CCSER1: variants seen among roughly 807,000 people sequenced by gnomAD.
The protein encoded by CCSER1 is coiled-coil serine rich protein 1, also known as serine-rich coiled-coil domain-containing protein 1.
In CCSER1, 41 loss-of-function variants were observed where a neutral mutation model predicts 82.0. The observed-to-expected ratio is 0.50, with a 90% CI of 0.39 to 0.65. The LOEUF (loss-of-function observed/expected upper bound fraction) is 0.65. Among genes scored for constraint, CCSER1 ranks in the 30% least tolerant of loss-of-function variants. CCSER1 has a pLI of 0.00. For missense variants in CCSER1, 1,119 were observed against 1,064.2 expected, an observed-to-expected ratio of 1.05 and a Z score of -0.72; for synonymous variants, 414 against 383.9, an observed-to-expected ratio of 1.08 and a Z score of -0.92.
chr4:90,286,314 C>G (rs981563433), intron 1 of CCSER1, among the ~76,000 whole-genome samples: 1 of 151,770 alleles, frequency 6.6e-6, no homozygotes, highest in African/African-American at 2.4e-5. Flanking sequence ...CTTTCACTAC[C>G]TGTTATTGTA....
chr4:90,919,409 G>C (rs1254629951), intron 8 of CCSER1, among the ~76,000 whole-genome samples: 1 of 151,768 alleles, frequency 6.6e-6, no homozygotes, highest in African/African-American at 2.4e-5. Context: ...GTATCAGTTT[G>C]CTGTTTTTTA....
At chr4:91,326,826 G>T (rs1746598244) in intron 10 of CCSER1, among the ~76,000 whole-genome samples, 1 of 152,102 alleles carries the variant, frequency 6.6e-6, no homozygotes, top group South Asian at 2.1e-4. Flanking sequence ...AAAACCAAGG[G>T]TCTGCAGGCC....
intron 10 of CCSER1, among the ~76,000 whole-genome samples, chr4:91,596,307 C>T (rs1764575087): frequency 6.6e-6 from 1 of 151,972 alleles, no homozygotes; most frequent in South Asian, 2.1e-4. Context: ...ATGAAGTCTA[C>T]TCCTACCATT....
At chr4:91,056,327 A>T (rs563347740) in intron 9 of CCSER1, among the ~76,000 whole-genome samples, 1 of 152,286 alleles carries the variant, frequency 6.6e-6, no homozygotes, top group South Asian at 2.1e-4. Context: ...AAGATAATTT[A>T]TCATAGTTCT....
intron 10 of CCSER1, among the ~76,000 whole-genome samples, chr4:91,309,678 C>T (rs1010556607): frequency 4.6e-5 from 7 of 151,916 alleles, no homozygotes; most frequent in Non-Finnish European, 8.8e-5. Context: ...CCAAGGCACT[C>T]GTAGATAGCA....
chr4:90,166,468 G>T (rs1203475825), intron 1 of CCSER1, among the ~76,000 whole-genome samples: 1 of 151,728 alleles, frequency 6.6e-6, no homozygotes, highest in East Asian at 1.9e-4. Flanking sequence ...ATTTTTTTTG[G>T]AAATAGCACC....
At chr4:91,480,776 C>T (rs1162822319) in intron 10 of CCSER1, among the ~76,000 whole-genome samples, 1 of 152,142 alleles carries the variant, frequency 6.6e-6, no homozygotes, top group Non-Finnish European at 1.5e-5. Flanking sequence ...AATCCCATCT[C>T]CTAATTTTAA....
chr4:90,950,537 CAT>C (rs371310009), intron 9 of CCSER1, among the ~76,000 whole-genome samples: 1,403 of 125,544 alleles, frequency 0.011, 26 homozygotes, highest in African/African-American at 0.033. Flanking sequence ...CACACACACA[CAT>C]ACACACACGT....
Position 90,512,525 on chromosome 4 carries a change from A to G in CCSER1, c.1724+44171A>G, listed in dbSNP as rs138254030. ...ACATGCCTATAACAAGACTCCTTCC[A>G]TTCTCTTCTACTTTCTTATTCTTAT... On this transcript the variant is annotated intron_variant, in intron 5 of 10. Coordinates refer to ENST00000509176, the MANE Select transcript of CCSER1 (RefSeq NM_001145065.2). Among the ~76,000 whole-genome samples the G allele has an allele frequency of 3.9e-5, 6 of 152,278 alleles. No individual in the cohort carries two copies. The East Asian group carries it at 9.7e-4, about 25-fold the overall frequency.
intron 10 of CCSER1, among the ~76,000 whole-genome samples, chr4:91,226,100 A>C (rs1738182122): frequency 6.6e-6 from 1 of 151,986 alleles, no homozygotes; most frequent in African/African-American, 2.4e-5. Context: ...GGTGTGCTGC[A>C]CCCATTAACT....
At position 91,217,211 on chromosome 4, in the gene CCSER1, C is replaced by T. The variant is rs144721781; in HGVS notation, c.2217+131217C>T. On this transcript the variant is annotated intron_variant, in intron 10 of 10. Transcript: ENST00000509176. ...AGCAAGAGGGAAAGAACAAAGCTTCCACAGTGTGGAAAGGGACCCGAGCGG... is the reference window on the plus strand; with the variant it reads ...AGCAAGAGGGAAAGAACAAAGCTTCTACAGTGTGGAAAGGGACCCGAGCGG... Among the ~76,000 whole-genome samples the T allele has an allele frequency of 5.7e-3, 867 of 152,214 alleles. 7 individuals are homozygous for T. Among genetic ancestry groups the T allele is most frequent in the Non-Finnish European group, 8.9e-3 (605 of 68,006 alleles).
At chr4:91,587,785 T>C (rs1764069295) in intron 10 of CCSER1, among the ~76,000 whole-genome samples, 1 of 151,650 alleles carries the variant, frequency 6.6e-6, no homozygotes, top group African/African-American at 2.4e-5. Context: ...AAACACTGCT[T>C]TAGAAAATCT....
At position 90,309,353 on chromosome 4, in the gene CCSER1, G is replaced by C; in HGVS notation, c.1069G>C (p.Ala357Pro). 1.2e-6 allele frequency: 2 copies of C among 1,613,852 alleles called. No individual in the cohort carries two copies. The highest frequency in any genetic ancestry group is 1.7e-6 in the Non-Finnish European group (2 of 1,179,810). Residue 357 changes from alanine to proline, a missense_variant, in exon 2 of 11, where the codon GCT (alanine) becomes CCT (proline). Coordinates refer to ENST00000509176, the MANE Select transcript of CCSER1 (RefSeq NM_001145065.2). ...EVLLQIAELP[A>P]TSVSHSESNL... is the part of the protein sequence containing the mutation. The stretch of plus-strand genomic sequence containing the variant: ...GTTATTACAAATTGCTGAACTACCT[G>C]CTACAAGTGTGAGCCACTCAGAGAG...
intron 6 of CCSER1, among the ~76,000 whole-genome samples, chr4:90,647,659 C>A: frequency 6.6e-6 from 1 of 152,046 alleles, no homozygotes; most frequent in Admixed American, 6.6e-5. Flanking sequence ...GTGTACTCTC[C>A]ACTTTATACA....
At position 91,238,669 on chromosome 4, in the gene CCSER1, T is replaced by C. The variant is rs187234247; in HGVS notation, c.2217+152675T>C. On this transcript the variant is annotated intron_variant, in intron 10 of 10. Transcript: ENST00000509176. ...AAGGTCATCAATGAAGATAATCCAA[T>C]TGGTTGGCCAGTAATTATCCAGTAT... Among the ~76,000 whole-genome samples, 4 of 152,306 alleles carry C rather than the reference T, an allele frequency of 2.6e-5. No individual in the cohort carries two copies. In the East Asian group the frequency reaches 7.7e-4, roughly 29 times the overall value.
chr4:91,274,282 G>A (rs1453532692), intron 10 of CCSER1, among the ~76,000 whole-genome samples: 2 of 152,164 alleles, frequency 1.3e-5, no homozygotes, highest in African/African-American at 2.4e-5. Flanking sequence ...AAGCCAGAGT[G>A]TTTAAGATAT....
At chr4:91,003,089 G>C (rs1385198553) in intron 9 of CCSER1, among the ~76,000 whole-genome samples, 1 of 152,172 alleles carries the variant, frequency 6.6e-6, no homozygotes, top group East Asian at 1.9e-4. Context: ...ACAGAGTCCT[G>C]TGATGTGAAC....
At position 90,463,956 on chromosome 4, in the gene CCSER1, T is replaced by A. The variant is rs190653286; in HGVS notation, c.1604-4278T>A. ...TATAAATTAAAAAAACGATAGAAAT[T>A]CAGTTATTAAATAAAATTATTTTGA... is the stretch of plus-strand genomic sequence containing the variant. On this transcript the variant is annotated intron_variant, in intron 4 of 10. Transcript: ENST00000509176. Among the ~76,000 whole-genome samples the A allele has an allele frequency of 1.2e-3, 187 of 152,204 alleles. 2 individuals carry two copies. The highest frequency in any genetic ancestry group is 3.2e-4 in the Non-Finnish European group (22 of 67,994).
chr4:90,523,321 T>A (rs549818819), intron 5 of CCSER1, among the ~76,000 whole-genome samples: 1 of 152,286 alleles, frequency 6.6e-6, no homozygotes, highest in East Asian at 1.9e-4. Context: ...GTCAGTATAA[T>A]AGACAACTCA....
Sources: allele counts gnomAD v4.1 joint callset (sites outside exome capture counted in the v4.1 genomes callset), GRCh38; gene constraint gnomAD v4.1.1; transcripts MANE v1.5; gene names NCBI Gene and HGNC (gene_info 2026-07-23, HGNC 2026-07-21).